Variants in EFCAB13 observed in about 807,000 individuals in gnomAD.
EFCAB13 encodes the protein EF-hand calcium-binding domain-containing protein 13.
A neutral mutation model predicts 110.2 loss-of-function variants in EFCAB13; 91 were observed. That is an observed-to-expected ratio of 0.83 (90% CI 0.70 to 0.98). The LOEUF (loss-of-function observed/expected upper bound fraction) is 0.98, where lower values mean the gene tolerates loss of function less well. EFCAB13 is among the 50% of genes least tolerant of loss of function. The pLI, the probability that EFCAB13 is intolerant of heterozygous loss-of-function variation, is 0.00. For synonymous variants in EFCAB13, 323 were observed against 369.9 expected, an observed-to-expected ratio of 0.87 and a Z score of 1.45; for missense variants, 968 against 1,119.4, an observed-to-expected ratio of 0.86 and a Z score of 1.93.
intron 23 of EFCAB13, chr17:47,423,353 G>A (rs1904787496): frequency 6.5e-6 from 1 of 154,578 alleles, no homozygotes; most frequent in Non-Finnish European, 1.4e-5. Flanking sequence ...AAAAAATTTT[G>A]TACTGTACTT....
chr17:47,435,191 A>G (rs1905189616), intron 24 of EFCAB13, among the ~76,000 whole-genome samples: 1 of 152,166 alleles, frequency 6.6e-6, no homozygotes, highest in Non-Finnish European at 1.5e-5. Flanking sequence ...TCAGCAAGAA[A>G]AAAACAAAAC....
intron 21 of EFCAB13, among the ~76,000 whole-genome samples, chr17:47,411,041 T>C (rs188456933): frequency 4.5e-4 from 68 of 152,348 alleles, no homozygotes; most frequent in African/African-American, 1.6e-3. Flanking sequence ...CTTTCCATTG[T>C]ATCTCCAGGA....
chr17:47,398,680 C>G (rs2065761847), intron 17 of EFCAB13, among the ~76,000 whole-genome samples: 1 of 150,908 alleles, frequency 6.6e-6, no homozygotes, highest in Non-Finnish European at 1.5e-5. Context: ...CATCACCACT[C>G]CCTAATCTCA....
At chr17:47,331,279 G>A (rs550653627) in intron 4 of EFCAB13, among the ~76,000 whole-genome samples, 4 of 152,006 alleles carry the variant, frequency 2.6e-5, no homozygotes, top group East Asian at 3.9e-4. Context: ...AATTTAATTA[G>A]GTCTCATTTA....
chr17:47,406,120 A>T (rs1020602825), intron 20 of EFCAB13, among the ~76,000 whole-genome samples: 3 of 152,006 alleles, frequency 2.0e-5, no homozygotes, highest in African/African-American at 7.3e-5. Flanking sequence ...TATTTATTTA[A>T]TTTATTTATT....
At chr17:47,435,155 A>T (rs1276187069) in intron 24 of EFCAB13, among the ~76,000 whole-genome samples, 1 of 152,068 alleles carries the variant, frequency 6.6e-6, no homozygotes, top group Admixed American at 6.6e-5. Context: ...GGCTAATATC[A>T]AGAATCTACA....
At position 47,345,079 on chromosome 17, in the gene EFCAB13, A is replaced by G; in HGVS notation, c.498A>G (p.Leu166=). ...ATGATGAAGTAACCCATGGATATTT[A>G]CACTCAAAAGAATTAAGTGGTAATA... ...TLYDEVTHGY[L]HSKELSALHK... Residue 166 remains leucine (L), a synonymous_variant, in exon 8 of 25, where the codon TTA becomes TTG. Transcript: ENST00000331493. 1 of 1,603,652 alleles carries G rather than the reference A, an allele frequency of 6.2e-7. No homozygotes were observed. Among genetic ancestry groups the G allele is most frequent in the East Asian group, 2.2e-5 (1 of 44,534 alleles).
At chr17:47,353,116 A>G (rs1438042497) in intron 9 of EFCAB13, among the ~76,000 whole-genome samples, 1 of 151,772 alleles carries the variant, frequency 6.6e-6, no homozygotes, top group Non-Finnish European at 1.5e-5. Context: ...CCAGTAATAT[A>G]TTCAATAGGA....
chr17:47,399,479 T>C (rs772824879), intron 17 of EFCAB13, among the ~76,000 whole-genome samples: 1 of 152,126 alleles, frequency 6.6e-6, no homozygotes, highest in Non-Finnish European at 1.5e-5. Flanking sequence ...TTAAATCTTA[T>C]ACAGTATCCT....
At chr17:47,342,736 G>C (rs943705616) in intron 6 of EFCAB13, among the ~76,000 whole-genome samples, 2 of 151,652 alleles carry the variant, frequency 1.3e-5, no homozygotes, top group Admixed American at 6.6e-5. Context: ...CTGTCCCTTT[G>C]TATCTTCTGT....
chr17:47,427,319 A>G (rs1904994052), intron 23 of EFCAB13, among the ~76,000 whole-genome samples: 1 of 152,102 alleles, frequency 6.6e-6, no homozygotes, highest in Non-Finnish European at 1.5e-5. Flanking sequence ...TTACCATAGT[A>G]ATTACTGTCT....
chr17:47,424,906 G>A (rs1340821086), intron 23 of EFCAB13, among the ~76,000 whole-genome samples: 1 of 17,886 alleles, frequency 5.6e-5, no homozygotes, highest in Non-Finnish European at 1.2e-4. Flanking sequence ...TTTTTGAGAC[G>A]GAGTCTCGCT....
chr17:47,424,839 C>G (rs1194018364), intron 23 of EFCAB13, among the ~76,000 whole-genome samples: 2 of 140,306 alleles, frequency 1.4e-5, no homozygotes, highest in African/African-American at 2.7e-5. Context: ...CTTCCTGGAA[C>G]TAATTTGACA....
intron 9 of EFCAB13, among the ~76,000 whole-genome samples, chr17:47,360,039 G>C (rs1872130790): frequency 6.6e-6 from 1 of 151,750 alleles, no homozygotes; most frequent in Non-Finnish European, 1.5e-5. Flanking sequence ...TGGACATTTG[G>C]GTTGGTTCCA....
intron 20 of EFCAB13, among the ~76,000 whole-genome samples, chr17:47,407,724 C>T (rs767364228): frequency 2.0e-5 from 3 of 152,020 alleles, no homozygotes; most frequent in Non-Finnish European, 4.4e-5. Context: ...TAAAAAATTT[C>T]TTCTGAATTT....
At chr17:47,408,061 G>C (rs1257327531) in intron 20 of EFCAB13, among the ~76,000 whole-genome samples, 1 of 152,100 alleles carries the variant, frequency 6.6e-6, no homozygotes, top group African/African-American at 2.4e-5. Flanking sequence ...TTGTGGCATG[G>C]CTTTGAAGAA....
intron 23 of EFCAB13, among the ~76,000 whole-genome samples, chr17:47,417,362 CT>C (rs1436341998): frequency 1.2e-4 from 18 of 152,294 alleles, no homozygotes; most frequent in Non-Finnish European, 2.5e-4. Flanking sequence ...ACGTTATTGG[CT>C]TTTCATTTCT....
At chr17:47,425,715 A>G (rs900711991) in intron 23 of EFCAB13, among the ~76,000 whole-genome samples, 2 of 152,228 alleles carry the variant, frequency 1.3e-5, no homozygotes, top group African/African-American at 4.8e-5. Flanking sequence ...AAAGCTTTGC[A>G]TATCCCTTTT....
intron 23 of EFCAB13, among the ~76,000 whole-genome samples, chr17:47,425,126 C>T (rs1904906190): frequency 6.6e-6 from 1 of 151,436 alleles, no homozygotes; most frequent in African/African-American, 2.4e-5. Flanking sequence ...TCGTGATCCG[C>T]CCGCCTCGGC....
Sources: gnomAD v4.1 joint callset for allele counts (sites outside exome capture counted in the v4.1 genomes callset) on GRCh38, gnomAD v4.1.1 for gene constraint, MANE v1.5 for transcripts, NCBI Gene and HGNC (gene_info 2026-07-23, HGNC 2026-07-21) for gene names.